The following TTC27 variants were observed in gnomAD, a reference collection of about 807,000 sequenced individuals.
The protein encoded by TTC27 is tetratricopeptide repeat protein 27.
TTC27 carries 79 observed loss-of-function variants against 115.9 expected under a neutral mutation model. The ratio of observed to expected loss-of-function variants is 0.68; its 90% CI spans 0.57 to 0.82. The LOEUF is 0.82. TTC27 is among the 40% of genes least tolerant of loss of function. The probability of loss-of-function intolerance (pLI) is 0.00; values close to 1 mark genes in which losing one functional copy is unlikely to be tolerated. For missense variants in TTC27, 1,054 were observed against 993.1 expected, an observed-to-expected ratio of 1.06 and a Z score of -0.82; for synonymous variants, 401 against 356.0, an observed-to-expected ratio of 1.13 and a Z score of -1.42.
chr2:32,745,670 GA>G (rs200957000), intron 12 of TTC27, among the ~76,000 whole-genome samples: 1 of 148,244 alleles, frequency 6.7e-6, no homozygotes, highest in Middle Eastern at 3.4e-3. Flanking sequence ...TCAGTATTTT[GA>G]AAAAAAAATA....
intron 13 of TTC27, among the ~76,000 whole-genome samples, chr2:32,771,457 C>A (rs1669827943): frequency 6.6e-6 from 1 of 152,122 alleles, no homozygotes; most frequent in South Asian, 2.1e-4. Flanking sequence ...AAAGACTCAG[C>A]AAATATAAAG....
chr2:32,745,892 AT>A (rs1268835794), intron 12 of TTC27, among the ~76,000 whole-genome samples: 1 of 152,128 alleles, frequency 6.6e-6, no homozygotes, highest in Non-Finnish European at 1.5e-5. Flanking sequence ...TCTCTGGGCA[AT>A]TTAGGGTATG....
Position 32,634,024 on chromosome 2 carries a change from T to C in TTC27, c.396+19T>C. The C allele has an allele frequency of 6.2e-7, 1 of 1,602,920 alleles. No individual in the cohort carries two copies. On this transcript the variant is annotated intron_variant, in intron 3 of 19. Coordinates refer to ENST00000317907, the MANE Select transcript of TTC27 (RefSeq NM_017735.5). The stretch of plus-strand genomic sequence containing the variant: ...CAGTGAGGTATGCTTCTTGAAAATG[T>C]TGTATGTAATTATTATTATGTTATT...
chr2:32,686,122 A>G (rs1421696219), intron 9 of TTC27, among the ~76,000 whole-genome samples: 1 of 152,250 alleles, frequency 6.6e-6, no homozygotes, highest in Non-Finnish European at 1.5e-5. Flanking sequence ...AAATAATTAC[A>G]ACTAAAATGC....
At chr2:32,721,108 T>C (rs970877360) in intron 10 of TTC27, among the ~76,000 whole-genome samples, 2 of 152,212 alleles carry the variant, frequency 1.3e-5, no homozygotes, top group Non-Finnish European at 2.9e-5. Context: ...CTTCAAAATT[T>C]GAAAAATTAC....
rs113733271 is a variant in TTC27, at chr2:32,734,110, A to G, written c.1329+187A>G. On this transcript the variant is annotated intron_variant, in intron 11 of 19. Coordinates refer to ENST00000317907, the MANE Select transcript of TTC27 (RefSeq NM_017735.5). ...TTGATTAAAGTGATATTAGACTCAT[A>G]AAACATTTTTAAAATAATTTAAAAT... Among the ~76,000 whole-genome samples the G allele has an allele frequency of 5.0e-3, 766 of 152,378 alleles. 12 individuals are homozygous for G. Among genetic ancestry groups the G allele is most frequent in the African/African-American group, 0.018 (737 of 41,592 alleles).
intron 16 of TTC27, among the ~76,000 whole-genome samples, chr2:32,798,948 G>A (rs1280183996): frequency 1.3e-5 from 2 of 152,138 alleles, no homozygotes; most frequent in African/African-American, 4.8e-5. Context: ...TACATTCATA[G>A]CAGCATTATT....
intron 13 of TTC27, among the ~76,000 whole-genome samples, chr2:32,761,463 G>A (rs928367216): frequency 6.6e-5 from 10 of 152,178 alleles, no homozygotes; most frequent in African/African-American, 2.4e-4. Context: ...GGTCAGTTAT[G>A]GTAATACCCA....
At chr2:32,778,095 G>C in intron 14 of TTC27, 115 bp downstream of exon 14, 1 of 925,640 alleles carries the variant, frequency 1.1e-6, no homozygotes, top group African/African-American at 1.6e-5. Context: ...GTGTACATTT[G>C]AGGGAAGGTC....
chr2:32,641,503 T>C (rs1268583678), intron 4 of TTC27, among the ~76,000 whole-genome samples: 1 of 152,256 alleles, frequency 6.6e-6, no homozygotes, highest in African/African-American at 2.4e-5. Context: ...GTTCTTGGAC[T>C]ATACGGAAAC....
At chr2:32,691,225 T>C (rs1039577881) in intron 9 of TTC27, among the ~76,000 whole-genome samples, 2 of 152,180 alleles carry the variant, frequency 1.3e-5, no homozygotes, top group Non-Finnish European at 2.9e-5. Flanking sequence ...GAAATGCCCA[T>C]ACAGTGGGAA....
intron 16 of TTC27, among the ~76,000 whole-genome samples, chr2:32,807,825 G>A (rs746641303): frequency 3.3e-5 from 5 of 151,290 alleles, no homozygotes; most frequent in Non-Finnish European, 7.4e-5. Context: ...TTTGTAGATC[G>A]ACTTTCCTTG....
intron 10 of TTC27, among the ~76,000 whole-genome samples, chr2:32,706,209 A>G (rs1262898187): frequency 1.4e-5 from 2 of 147,334 alleles, no homozygotes; most frequent in Admixed American, 7.0e-5. Flanking sequence ...CAGCCTCCTG[A>G]GTAGCTGGGA....
At chr2:32,635,649 A>C (rs1233490507) in intron 3 of TTC27, among the ~76,000 whole-genome samples, 1 of 152,126 alleles carries the variant, frequency 6.6e-6, no homozygotes. Flanking sequence ...ACGCCACTGC[A>C]CTCCAGCCTG....
intron 10 of TTC27, among the ~76,000 whole-genome samples, chr2:32,711,006 A>G (rs1333969265): frequency 1.3e-5 from 2 of 150,504 alleles, no homozygotes; most frequent in African/African-American, 2.4e-5. Flanking sequence ...AATCTCTGCT[A>G]CTCGAGAGGC....
rs190746166 is a variant in TTC27, at chr2:32,673,868, G to C, written c.1052+1484G>C. Among the ~76,000 whole-genome samples the C allele has an allele frequency of 2.3e-3, 351 of 152,034 alleles. 1 individual carries two copies. Among genetic ancestry groups the C allele is most frequent in the African/African-American group, 8.0e-3 (332 of 41,524 alleles). On this transcript the variant is annotated intron_variant, in intron 8 of 19. Coordinates refer to ENST00000317907, the MANE Select transcript of TTC27 (RefSeq NM_017735.5). ...AAATTAGCTGGGTGTGGTGGCAGGC[G>C]CCTGTAATCCCAGCTACTTGGAAGC... is the stretch of plus-strand genomic sequence containing the variant.
At chr2:32,754,503 T>G (rs1273832745) in intron 12 of TTC27, among the ~76,000 whole-genome samples, 8 of 149,566 alleles carry the variant, frequency 5.3e-5, no homozygotes, top group African/African-American at 1.5e-4. Context: ...GAAGAATTTT[T>G]CTTAGTACAG....
At chr2:32,641,739 C>A (rs371454968) in intron 4 of TTC27, among the ~76,000 whole-genome samples, 2 of 152,232 alleles carry the variant, frequency 1.3e-5, no homozygotes, top group East Asian at 3.9e-4. Context: ...AGTGCAATGG[C>A]GCGATCTCGG....
At chr2:32,746,123 T>C (rs927635710) in intron 12 of TTC27, among the ~76,000 whole-genome samples, 1 of 152,214 alleles carries the variant, frequency 6.6e-6, no homozygotes, top group Non-Finnish European at 1.5e-5. Context: ...TAATGATCTT[T>C]GGGGTTTGCA....
Sources: allele counts gnomAD v4.1 joint callset (sites outside exome capture counted in the v4.1 genomes callset), GRCh38; gene constraint gnomAD v4.1.1; transcripts MANE v1.5; gene names NCBI Gene and HGNC (gene_info 2026-07-23, HGNC 2026-07-21).